The following WWOX variants were observed in gnomAD, a reference collection of about 807,000 sequenced individuals.
WWOX encodes the protein WW domain-containing oxidoreductase.
WWOX carries 69 observed loss-of-function variants against 46.2 expected under a neutral mutation model. The ratio of observed to expected loss-of-function variants is 1.49; its 90% CI spans 1.23 to 1.82. The LOEUF (loss-of-function observed/expected upper bound fraction) is 1.82, where lower values mean the gene tolerates loss of function less well. Ranked by LOEUF, WWOX falls within the 40% of genes most tolerant of loss-of-function variation. The pLI, the probability that WWOX is intolerant of heterozygous loss-of-function variation, is 0.00. For missense variants in WWOX, 919 were observed against 542.6 expected (o/e 1.69, Z -6.89); for synonymous variants, 359 against 202.6 (o/e 1.77, Z -6.56).
At position 78,880,370 on chromosome 16, in the gene WWOX, C is replaced by T. The variant is rs987942111; in HGVS notation, c.1057-331238C>T. ...CTGCTTTTAGCATCCTGTTTTCTTT[C>T]GTGTTTGTAATGAAGCCCTCCGGGA... On this transcript the variant is annotated intron_variant, in intron 8 of 8. Coordinates refer to ENST00000566780, the MANE Select transcript of WWOX (RefSeq NM_016373.4). Among the ~76,000 whole-genome samples, 6 of 152,258 alleles carry T rather than the reference C, an allele frequency of 3.9e-5. No individual in the cohort carries two copies. In the South Asian group the frequency reaches 8.3e-4, roughly 21 times the overall value.
At chr16:78,587,567 C>A (rs1019490169) in intron 8 of WWOX, among the ~76,000 whole-genome samples, 6 of 152,026 alleles carry the variant, frequency 3.9e-5, no homozygotes, top group African/African-American at 1.4e-4. Context: ...ACTGCCCTCC[C>A]CTGATTACCG....
intron 8 of WWOX, among the ~76,000 whole-genome samples, chr16:79,193,080 T>A (rs2051169046): frequency 6.6e-6 from 1 of 152,230 alleles, no homozygotes; most frequent in Non-Finnish European, 1.5e-5. Context: ...CTTTGACCTC[T>A]GTGATCCCAG....
intron 8 of WWOX, among the ~76,000 whole-genome samples, chr16:78,715,731 C>T (rs564130772): frequency 2.0e-5 from 3 of 152,300 alleles, no homozygotes; most frequent in African/African-American, 7.2e-5. Flanking sequence ...TCCACCTTGG[C>T]CTCCCCAAAT....
intron 5 of WWOX, among the ~76,000 whole-genome samples, chr16:78,380,501 A>G (rs2081930623): frequency 6.6e-6 from 1 of 152,162 alleles, no homozygotes; most frequent in African/African-American, 2.4e-5. Flanking sequence ...GTGACGACCC[A>G]TTCAGCCGTA....
intron 5 of WWOX, among the ~76,000 whole-genome samples, chr16:78,300,781 C>T (rs766810370): frequency 5.3e-5 from 8 of 152,140 alleles, no homozygotes; most frequent in Non-Finnish European, 1.0e-4. Flanking sequence ...AAAGTTGACT[C>T]TGTTTGGGAC....
At chr16:78,192,545 C>G (rs893214730) in intron 5 of WWOX, among the ~76,000 whole-genome samples, 1 of 151,778 alleles carries the variant, frequency 6.6e-6, no homozygotes, top group Non-Finnish European at 1.5e-5. Context: ...ACCCATATCC[C>G]TGGATTGTTG....
At chr16:78,747,190 A>ATT (rs67902043) in intron 8 of WWOX, among the ~76,000 whole-genome samples, 2,551 of 129,192 alleles carry the variant, frequency 0.02, 43 homozygotes, top group Non-Finnish European at 0.031. Context: ...TTTCTTGCCC[A>ATT]TTTTTTTTTT....
intron 8 of WWOX, among the ~76,000 whole-genome samples, chr16:78,941,464 T>TG (rs946308088): frequency 2.0e-5 from 3 of 147,712 alleles, no homozygotes; most frequent in African/African-American, 7.4e-5. Context: ...ACAAAGTCCT[T>TG]TTTTTTTTTT....
At chr16:78,390,576 A>G (rs189706356) in intron 6 of WWOX, among the ~76,000 whole-genome samples, 1 of 152,256 alleles carries the variant, frequency 6.6e-6, no homozygotes, top group African/African-American at 2.4e-5. Flanking sequence ...GGTGGTGAAA[A>G]TATGCATAAA....
chr16:78,220,052 A>G (rs186116668), intron 5 of WWOX, among the ~76,000 whole-genome samples: 82 of 152,340 alleles, frequency 5.4e-4, no homozygotes, highest in Non-Finnish European at 1.0e-4. Flanking sequence ...TTAATTTAAA[A>G]TGGATTATCC....
intron 8 of WWOX, among the ~76,000 whole-genome samples, chr16:78,923,426 C>G (rs1443142041): frequency 6.6e-6 from 1 of 152,096 alleles, no homozygotes; most frequent in Non-Finnish European, 1.5e-5. Flanking sequence ...CCAGGTCCAG[C>G]CTGCTATTTT....
At chr16:78,191,965 C>A (rs970144717) in intron 5 of WWOX, among the ~76,000 whole-genome samples, 1 of 152,114 alleles carries the variant, frequency 6.6e-6, no homozygotes, top group African/African-American at 2.4e-5. Flanking sequence ...TGAGGCACTA[C>A]CTGGAATTAT....
intron 8 of WWOX, among the ~76,000 whole-genome samples, chr16:78,535,959 C>A (rs1458434521): frequency 6.6e-6 from 1 of 152,154 alleles, no homozygotes; most frequent in Admixed American, 6.5e-5. Flanking sequence ...CGTTGCATAG[C>A]ACCTGATACA....
chr16:78,611,848 G>A (rs550694392), intron 8 of WWOX, among the ~76,000 whole-genome samples: 2 of 152,208 alleles, frequency 1.3e-5, no homozygotes, highest in Non-Finnish European at 2.9e-5. Flanking sequence ...GGATCTTAAA[G>A]TTTCTACTTT....
intron 8 of WWOX, among the ~76,000 whole-genome samples, chr16:78,993,430 A>C (rs1048778930): frequency 6.6e-6 from 1 of 152,222 alleles, no homozygotes; most frequent in African/African-American, 2.4e-5. Context: ...CCTCTCGGAC[A>C]TGACAGTGCG....
intron 5 of WWOX, among the ~76,000 whole-genome samples, chr16:78,175,870 G>T (rs1430905042): frequency 1.3e-5 from 2 of 152,182 alleles, no homozygotes; most frequent in African/African-American, 4.8e-5. Context: ...AGAGAGACTG[G>T]ACAGTGAGTT....
chr16:79,165,376 G>A (rs1168064993), intron 8 of WWOX, among the ~76,000 whole-genome samples: 1 of 152,160 alleles, frequency 6.6e-6, no homozygotes, highest in African/African-American at 2.4e-5. Context: ...GGGCTTTAGA[G>A]CCAGACATGG....
chr16:78,817,169 A>ATTAT (rs1460643310), intron 8 of WWOX, among the ~76,000 whole-genome samples: 5 of 26,598 alleles, frequency 1.9e-4, no homozygotes, highest in Middle Eastern at 0.056. Flanking sequence ...CATTAGTGCT[A>ATTAT]TTCTTTTTTT....
intron 8 of WWOX, among the ~76,000 whole-genome samples, chr16:79,185,417 A>G (rs948505772): frequency 1.3e-5 from 2 of 152,348 alleles, no homozygotes; most frequent in African/African-American, 2.4e-5. Flanking sequence ...GTATTTGACC[A>G]TATTTTCTAA....
Sources: gnomAD v4.1 joint callset for allele counts (sites outside exome capture counted in the v4.1 genomes callset) on GRCh38, gnomAD v4.1.1 for gene constraint, MANE v1.5 for transcripts, NCBI Gene and HGNC (gene_info 2026-07-23, HGNC 2026-07-21) for gene names.